Variants in RIPOR2 observed in about 807,000 individuals in gnomAD.
RIPOR2 encodes the protein RHO family interacting cell polarization regulator 2.
In RIPOR2, 39 loss-of-function variants were observed where a neutral mutation model predicts 114.5. The observed-to-expected ratio is 0.34, with a 90% CI of 0.26 to 0.44. The LOEUF (loss-of-function observed/expected upper bound fraction) is 0.44, where lower values mean the gene tolerates loss of function less well. Ranked by LOEUF, RIPOR2 falls within the 20% of genes least tolerant of loss-of-function variation. The probability of loss-of-function intolerance (pLI) is 1.00; values close to 1 mark genes in which losing one functional copy is unlikely to be tolerated. For synonymous variants in RIPOR2, 445 were observed against 484.4 expected (o/e 0.92, Z 1.07); for missense variants, 1,007 against 1,255.1 (o/e 0.80, Z 2.99).
At chr6:24,885,866 G>A (rs1766789034) in intron 1 of RIPOR2, among the ~76,000 whole-genome samples, 1 of 152,142 alleles carries the variant, frequency 6.6e-6, no homozygotes, top group Non-Finnish European at 1.5e-5. Flanking sequence ...GGCAAGTTTA[G>A]GTAATGCTAA....
intron 1 of RIPOR2, among the ~76,000 whole-genome samples, chr6:24,980,626 T>A (rs541578281): frequency 5.9e-5 from 9 of 152,180 alleles, no homozygotes; most frequent in Non-Finnish European, 1.3e-4. Context: ...TGAGGAGTCA[T>A]GTGTACACAG....
Position 24,860,958 on chromosome 6 carries a change from C to T in RIPOR2, c.715+15G>A. 1 of 1,548,862 alleles carries T rather than the reference C, an allele frequency of 6.5e-7. No individual in the cohort carries two copies. Among genetic ancestry groups the T allele is most frequent in the Non-Finnish European group, 8.9e-7 (1 of 1,125,122 alleles). ...GAGATGGCTCCTTATTCTCTCTAAACAAGGAAAATAATACCTTTCATCTTG... is the reference window on the plus strand; with the variant it reads ...GAGATGGCTCCTTATTCTCTCTAAATAAGGAAAATAATACCTTTCATCTTG... On this transcript the variant is annotated intron_variant, in intron 8 of 21. Transcript: ENST00000643898.
intron 1 of RIPOR2, among the ~76,000 whole-genome samples, chr6:24,903,678 A>G (rs1768689820): frequency 6.6e-6 from 1 of 152,166 alleles, no homozygotes; most frequent in African/African-American, 2.4e-5. Flanking sequence ...CAGGCACACA[A>G]TAAATAATAA....
At chr6:24,887,253 G>A (rs909680748) in intron 1 of RIPOR2, among the ~76,000 whole-genome samples, 2 of 152,172 alleles carry the variant, frequency 1.3e-5, no homozygotes, top group Non-Finnish European at 2.9e-5. Context: ...CACCCACCGT[G>A]AGAGGGGGTA....
intron 2 of RIPOR2, among the ~76,000 whole-genome samples, chr6:24,874,948 T>TA (rs1765572501): frequency 6.6e-6 from 1 of 152,174 alleles, no homozygotes; most frequent in African/African-American, 2.4e-5. Context: ...TCTGATAACT[T>TA]AAAACCAGAG....
intron 1 of RIPOR2, among the ~76,000 whole-genome samples, chr6:24,880,404 C>T (rs1280673004): frequency 6.6e-6 from 1 of 152,126 alleles, no homozygotes; most frequent in Non-Finnish European, 1.5e-5. Context: ...TATAAAACCA[C>T]GAACACAAAT....
chr6:24,811,570 T>G (rs1309129093), intron 20 of RIPOR2, among the ~76,000 whole-genome samples: 1 of 152,096 alleles, frequency 6.6e-6, no homozygotes, highest in Admixed American at 6.6e-5. Context: ...TGATTTGTCT[T>G]ATTTTTTTGT....
At chr6:24,890,604 A>G (rs1179820658) in intron 1 of RIPOR2, among the ~76,000 whole-genome samples, 1 of 151,978 alleles carries the variant, frequency 6.6e-6, no homozygotes, top group African/African-American at 2.4e-5. Context: ...CACTATGCAA[A>G]CTATGCATGT....
chr6:24,904,842 C>A (rs1335201187), intron 1 of RIPOR2, among the ~76,000 whole-genome samples: 1 of 152,262 alleles, frequency 6.6e-6, no homozygotes, highest in East Asian at 1.9e-4. Flanking sequence ...TGGTGTGATC[C>A]CTGCTTACTG....
At chr6:24,982,588 G>T (rs1247607316) in intron 1 of RIPOR2, among the ~76,000 whole-genome samples, 3 of 152,142 alleles carry the variant, frequency 2.0e-5, no homozygotes, top group Non-Finnish European at 4.4e-5. Context: ...TGAGCCCAAT[G>T]ACTTGCTTAC....
At chr6:24,863,481 C>T (rs999731256) in intron 7 of RIPOR2, among the ~76,000 whole-genome samples, 7 of 152,154 alleles carry the variant, frequency 4.6e-5, no homozygotes, top group African/African-American at 1.4e-4. Context: ...CTGCATTTGT[C>T]CTATAAACAT....
chr6:24,820,771 G>A (rs1445103302), intron 19 of RIPOR2, among the ~76,000 whole-genome samples: 1 of 151,570 alleles, frequency 6.6e-6, no homozygotes, highest in Non-Finnish European at 1.5e-5. Context: ...ACCAGTTGAT[G>A]AACCTTCAGA....
At chr6:24,849,364 G>C (rs1177658768) in intron 11 of RIPOR2, among the ~76,000 whole-genome samples, 1 of 152,216 alleles carries the variant, frequency 6.6e-6, no homozygotes, top group Non-Finnish European at 1.5e-5. Context: ...TAATTTTCCA[G>C]AGCAGTGTGA....
intron 1 of RIPOR2, among the ~76,000 whole-genome samples, chr6:25,034,263 A>G (rs151188639): frequency 1.4e-5 from 2 of 144,640 alleles, no homozygotes; most frequent in African/African-American, 5.2e-5. Flanking sequence ...CAAAATCAAG[A>G]CATATTTTTC....
chr6:25,000,248 G>T (rs1255839000), intron 1 of RIPOR2, among the ~76,000 whole-genome samples: 1 of 152,124 alleles, frequency 6.6e-6, no homozygotes, highest in Non-Finnish European at 1.5e-5. Context: ...ACCAATGAAG[G>T]TGTCAGGAAG....
At chr6:24,996,807 T>C (rs1775069307) in intron 1 of RIPOR2, among the ~76,000 whole-genome samples, 2 of 152,228 alleles carry the variant, frequency 1.3e-5, no homozygotes, top group Non-Finnish European at 2.9e-5. Flanking sequence ...TACTGTATTG[T>C]TCATAGTTAA....
At chr6:24,935,810 G>T in intron 1 of RIPOR2, 28 bp downstream of exon 1, 1 of 1,506,756 alleles carries the variant, frequency 6.6e-7, no homozygotes, top group Non-Finnish European at 8.9e-7. Flanking sequence ...GCAGACCGGA[G>T]AGCCTCCTGC....
chr6:24,966,411 A>G (rs916067409), intron 1 of RIPOR2, among the ~76,000 whole-genome samples: 6 of 152,148 alleles, frequency 3.9e-5, no homozygotes, highest in African/African-American at 1.4e-4. Flanking sequence ...TAAGTTTACA[A>G]AATTACCTAG....
At chr6:24,862,663 G>C (rs1264817975) in intron 7 of RIPOR2, among the ~76,000 whole-genome samples, 1 of 152,160 alleles carries the variant, frequency 6.6e-6, no homozygotes, top group Non-Finnish European at 1.5e-5. Context: ...GGGCACTTCT[G>C]TGAAGAAACA....
Sources: allele counts gnomAD v4.1 joint callset (sites outside exome capture counted in the v4.1 genomes callset), GRCh38; gene constraint gnomAD v4.1.1; transcripts MANE v1.5; gene names NCBI Gene and HGNC (gene_info 2026-07-23, HGNC 2026-07-21).